Variants in LRPPRC observed in about 807,000 individuals in gnomAD.
LRPPRC encodes leucine-rich PPR motif-containing protein, mitochondrial.
LRPPRC carries 120 observed loss-of-function variants against 180.3 expected under a neutral mutation model. That is an observed-to-expected ratio of 0.67 (90% confidence interval 0.57 to 0.77). The LOEUF (loss-of-function observed/expected upper bound fraction) is 0.77. Ranked by LOEUF, LRPPRC falls within the 30% of genes least tolerant of loss-of-function variation. LRPPRC has a pLI of 0.00. For missense variants in LRPPRC, 2,012 were observed against 1,657.2 expected, an observed-to-expected ratio of 1.21 and a Z score of -3.72; for synonymous variants, 723 against 600.0, an observed-to-expected ratio of 1.21 and a Z score of -3.00.
intron 16 of LRPPRC, 111 bp from the exon 17 acceptor site, chr2:43,948,629 G>C (rs1365870945): frequency 1.4e-6 from 1 of 709,870 alleles, no homozygotes; most frequent in Non-Finnish European, 2.6e-6. Context: ...CTGATGAGAG[G>C]CTCTGAAATG....
rs2103649830 is a variant in LRPPRC, at chr2:43,957,396, T to C, written c.1638A>G (p.Leu546=). ...SLQSIRSSLL[L]GFRRSMNINL... is the part of the protein sequence containing the mutation. ...GTTGATCATCTTACCTCCTGAAGCCTAGCAGTAGGCTACTTCTTATAGACT... is the reference window on the plus strand; with the variant it reads ...GTTGATCATCTTACCTCCTGAAGCCCAGCAGTAGGCTACTTCTTATAGACT... The change falls in exon 14 of 38, where the codon CTA becomes CTG. Residue 546 remains leucine (L), a synonymous_variant. Coordinates refer to ENST00000260665, the MANE Select transcript of LRPPRC (RefSeq NM_133259.4). The C allele has an allele frequency of 6.2e-7, 1 of 1,612,252 alleles. No homozygotes were observed. Among genetic ancestry groups the C allele is most frequent in the South Asian group, 1.1e-5 (1 of 91,046 alleles).
intron 36 of LRPPRC, 81 bp from the exon 37 acceptor site, chr2:43,889,957 C>T (rs1472724156): frequency 2.6e-5 from 26 of 989,768 alleles, no homozygotes; most frequent in Non-Finnish European, 3.4e-5. Flanking sequence ...CACTCAGGGA[C>T]GGCTGGATCC....
chr2:43,973,745 C>A, intron 10 of LRPPRC, 31 bp from the exon 11 acceptor site: 1 of 1,602,502 alleles, frequency 6.2e-7, no homozygotes, highest in Non-Finnish European at 8.6e-7. Context: ...GATCACAAAG[C>A]TACCTCAGCA....
At chr2:43,920,684 T>TA (rs71393214) in intron 27 of LRPPRC, among the ~76,000 whole-genome samples, 4,227 of 146,908 alleles carry the variant, frequency 0.029, 72 homozygotes, top group Non-Finnish European at 0.039. Flanking sequence ...TTATTTGATT[T>TA]AAAAAAAAAA....
In LRPPRC at chr2:43,963,896, C is replaced by A. The variant is rs952709575; in HGVS notation, c.1370-190G>T. ...AAAAATTAACTCCTCCTTTCTTCAT[C>A]CCCCTCTGTGAAACAGTAAATTTCA... is the stretch of plus-strand genomic sequence containing the variant. On this transcript the variant is annotated intron_variant, in intron 11 of 37. Transcript: ENST00000260665. 2.1e-5 allele frequency: 13 copies of A among 608,678 alleles called. No individual in the cohort carries two copies. The African/African-American group carries it at 2.2e-4, about 10-fold the overall frequency. 37.7% of individuals were successfully genotyped at this position (608,678 alleles called of 1,614,324 possible).
At chr2:43,973,067 G>A (rs928873605) in intron 11 of LRPPRC, among the ~76,000 whole-genome samples, 5 of 152,074 alleles carry the variant, frequency 3.3e-5, no homozygotes, top group Admixed American at 6.5e-5. Context: ...ATGCTTAAAC[G>A]TACTTAAGAA....
chr2:43,975,838 C>A (rs1674032393), intron 6 of LRPPRC, among the ~76,000 whole-genome samples: 1 of 152,156 alleles, frequency 6.6e-6, no homozygotes, highest in Non-Finnish European at 1.5e-5. Flanking sequence ...CCACCTCAGC[C>A]TCCCAAAGTG....
At chr2:43,888,940 C>CT (rs1442125448) in intron 37 of LRPPRC, among the ~76,000 whole-genome samples, 22 of 152,198 alleles carry the variant, frequency 1.4e-4, no homozygotes, top group Non-Finnish European at 1.6e-4. Flanking sequence ...GTATGGAAGG[C>CT]TGAGGTGTTT....
chr2:43,929,401 G>C (rs1265695855), intron 25 of LRPPRC, among the ~76,000 whole-genome samples: 1 of 152,194 alleles, frequency 6.6e-6, no homozygotes, highest in African/African-American at 2.4e-5. Flanking sequence ...TAGTCTATGT[G>C]TGTGTAAGTT....
At chr2:43,985,106 T>A (rs1674471523) in intron 1 of LRPPRC, among the ~76,000 whole-genome samples, 1 of 151,416 alleles carries the variant, frequency 6.6e-6, no homozygotes, top group Non-Finnish European at 1.5e-5. Context: ...TAAGCAGGCT[T>A]CCATGGGACC....
chr2:43,934,082 T>G (rs755165381), intron 25 of LRPPRC, 108 bp downstream of exon 25: 27 of 706,092 alleles, frequency 3.8e-5, no homozygotes, highest in Non-Finnish European at 6.4e-5. Flanking sequence ...GATTGAATTC[T>G]ATTAACATGA....
At chr2:43,987,868 A>G (rs983694555) in intron 1 of LRPPRC, among the ~76,000 whole-genome samples, 1 of 152,202 alleles carries the variant, frequency 6.6e-6, no homozygotes, top group Non-Finnish European at 1.5e-5. Context: ...TGTATAAGGC[A>G]CTGGCTAGAA....
Position 43,934,678 on chromosome 2 carries a change from C to T in LRPPRC, c.2629+76G>A, listed in dbSNP as rs1053953745. 1.4e-5 allele frequency: 19 copies of T among 1,350,306 alleles called. No individual in the cohort carries two copies. The Admixed American group carries it at 3.3e-4, about 24-fold the overall frequency. 83.6% of individuals were successfully genotyped at this position (1,350,306 alleles called of 1,614,324 possible). The stretch of plus-strand genomic sequence containing the variant: ...GAATGTGCTGGCCTTCTGCTGGTTT[C>T]TCTTAACAATACACTAAGATTAAAT... On this transcript the variant is annotated intron_variant, in intron 24 of 37. Transcript: ENST00000260665.
intron 27 of LRPPRC, among the ~76,000 whole-genome samples, chr2:43,919,320 G>C (rs1218315051): frequency 6.6e-6 from 1 of 152,212 alleles, no homozygotes; most frequent in Non-Finnish European, 1.5e-5. Context: ...GTTGGGGGCT[G>C]CTGCCGTATA....
chr2:43,981,612 G>C (rs188446131), intron 2 of LRPPRC, among the ~76,000 whole-genome samples: 1 of 151,302 alleles, frequency 6.6e-6, no homozygotes, highest in Non-Finnish European at 1.5e-5. Flanking sequence ...AGCCGAGATC[G>C]TACCACTGCA....
chr2:43,939,744 G>A (rs1357041183), intron 23 of LRPPRC, among the ~76,000 whole-genome samples: 1 of 152,272 alleles, frequency 6.6e-6, no homozygotes, highest in East Asian at 1.9e-4. Context: ...AAAATTAACT[G>A]TGTTGAAGGC....
intron 1 of LRPPRC, among the ~76,000 whole-genome samples, chr2:43,990,952 T>G (rs1283773072): frequency 2.0e-5 from 3 of 152,006 alleles, no homozygotes; most frequent in South Asian, 2.1e-4. Flanking sequence ...TTCAAGCAAT[T>G]CTCCTGCCTC....
chr2:43,924,485 T>C (rs999346410), intron 27 of LRPPRC, among the ~76,000 whole-genome samples: 2 of 152,216 alleles, frequency 1.3e-5, no homozygotes, highest in Admixed American at 1.3e-4. Context: ...TGGAAATCTA[T>C]TCACAAACCC....
intron 14 of LRPPRC, among the ~76,000 whole-genome samples, chr2:43,952,515 C>G (rs1441173229): frequency 6.6e-6 from 1 of 152,172 alleles, no homozygotes; most frequent in Non-Finnish European, 1.5e-5. Context: ...ATTCAAAATT[C>G]AACTAACATT....
Sources: gnomAD v4.1 joint callset for allele counts (sites outside exome capture counted in the v4.1 genomes callset) on GRCh38, gnomAD v4.1.1 for gene constraint, MANE v1.5 for transcripts, NCBI Gene and HGNC (gene_info 2026-07-23, HGNC 2026-07-21) for gene names.